The following XXYLT1 variants were observed in gnomAD, a reference collection of about 807,000 sequenced individuals.
The protein encoded by XXYLT1 is UDP-xylose:alpha-xyloside alpha-1,3-xylosyltransferase.
A neutral mutation model predicts 28.9 loss-of-function variants in XXYLT1; 20 were observed. That is an observed-to-expected ratio of 0.69 (90% CI 0.49 to 1.00). The LOEUF (loss-of-function observed/expected upper bound fraction) is 1.00, where lower values mean the gene tolerates loss of function less well. Among genes scored for constraint, XXYLT1 ranks in the 50% least tolerant of loss-of-function variants. The pLI is 0.00. For missense variants in XXYLT1, 542 were observed against 560.1 expected, an observed-to-expected ratio of 0.97 and a Z score of 0.33; for synonymous variants, 257 against 253.8, an observed-to-expected ratio of 1.01 and a Z score of -0.12.
At chr3:195,175,506 T>C in intron 2 of XXYLT1, 3 of 1,443,828 alleles carry the variant, frequency 2.1e-6, no homozygotes, top group South Asian at 1.3e-5. Context: ...GTGTTGCATG[T>C]TGACTTTGCT....
chr3:195,121,654 A>G (rs113794919), intron 3 of XXYLT1, among the ~76,000 whole-genome samples: 7 of 152,354 alleles, frequency 4.6e-5, no homozygotes, highest in African/African-American at 1.7e-4. Context: ...TGGAGCTAGC[A>G]GACATGCTGG....
chr3:195,109,581 CAT>C (rs920528257), intron 3 of XXYLT1, among the ~76,000 whole-genome samples: 8 of 108,512 alleles, frequency 7.4e-5, no homozygotes, highest in Non-Finnish European at 1.3e-4. Context: ...GGTTGTGTGG[CAT>C]ATGAGTGCAC....
Position 195,180,065 on chromosome 3 carries a change from C to T in XXYLT1, c.653-23484G>A, listed in dbSNP as rs1721874528. ...GAGTGACGGAGCGCCTGGTGAGGGA[C>T]AGAAGAATCTCTGAGCGGCCCCAAG... On this transcript the variant is annotated intron_variant, in intron 2 of 3. Coordinates refer to ENST00000310380, the MANE Select transcript of XXYLT1 (RefSeq NM_152531.5). The surrounding 1 kb of genome is among the most constrained non-coding windows in gnomAD (Gnocchi z 5.8). Among the ~76,000 whole-genome samples, 1 of 152,164 alleles carries T rather than the reference C, an allele frequency of 6.6e-6. No homozygotes were observed. Among genetic ancestry groups the T allele is most frequent in the African/African-American group, 2.4e-5 (1 of 41,446 alleles).
chr3:195,193,341 A>G (rs2108754595), intron 2 of XXYLT1, among the ~76,000 whole-genome samples: 1 of 152,236 alleles, frequency 6.6e-6, no homozygotes, highest in East Asian at 1.9e-4. Context: ...AATAAACTTA[A>G]TAAAAGGAGT....
intron 2 of XXYLT1, among the ~76,000 whole-genome samples, chr3:195,212,222 G>A (rs1723350692): frequency 1.3e-5 from 2 of 152,190 alleles, no homozygotes; most frequent in South Asian, 2.1e-4. Flanking sequence ...AAGCGGGGGT[G>A]GCCACGGTAG....
intron 2 of XXYLT1, among the ~76,000 whole-genome samples, chr3:195,187,099 G>A (rs920898442): frequency 6.6e-5 from 10 of 151,326 alleles, no homozygotes; most frequent in African/African-American, 1.5e-4. Flanking sequence ...TTAGCCAGGC[G>A]TGGTGGCGGG....
intron 1 of XXYLT1, among the ~76,000 whole-genome samples, chr3:195,237,543 G>A (rs1300755155): frequency 6.6e-6 from 1 of 151,818 alleles, no homozygotes; most frequent in Non-Finnish European, 1.5e-5. Flanking sequence ...TAGTGCCCAC[G>A]AAGGTGCTTT....
chr3:195,086,319 A>G (rs550553067), intron 3 of XXYLT1, among the ~76,000 whole-genome samples: 18 of 152,332 alleles, frequency 1.2e-4, no homozygotes, highest in African/African-American at 3.8e-4. Context: ...CGACGGCTTT[A>G]TCAGAACTGT....
At position 195,256,451 on chromosome 3, in the gene XXYLT1, A is replaced by G. The variant is rs2108847886; in HGVS notation, c.504+14104T>C. 1.0e-6 allele frequency: 1 copy of G among 984,610 alleles called. No homozygotes were observed. The highest frequency in any genetic ancestry group is 1.2e-6 in the Non-Finnish European group (1 of 829,226). 61.0% of individuals were successfully genotyped at this position (984,610 alleles called of 1,614,324 possible). A position where few individuals can be genotyped will look rare whatever the true frequency, so the allele number is the denominator to read the frequency against. On this transcript the variant is annotated intron_variant, in intron 1 of 3. Coordinates refer to ENST00000310380, the MANE Select transcript of XXYLT1 (RefSeq NM_152531.5). This position sits in a 1 kb window ranked among gnomAD's most constrained non-coding sequence, Gnocchi z 4.2. ...GGCCCTGCACAGGGCAGGGCCCGAGAAACGAACCAGTACCTCCCAGAGGAC... is the reference window on the plus strand; with the variant it reads ...GGCCCTGCACAGGGCAGGGCCCGAGGAACGAACCAGTACCTCCCAGAGGAC...
intron 1 of XXYLT1, among the ~76,000 whole-genome samples, chr3:195,232,325 CAAA>C (rs200517980): frequency 6.8e-6 from 1 of 146,276 alleles, no homozygotes. Context: ...TTCAAAATAC[CAAA>C]AAAAAACTTT....
In XXYLT1 at chr3:195,077,380, C is replaced by T. The variant is rs892333110; in HGVS notation, c.786-7269G>A. Among the ~76,000 whole-genome samples the T allele has an allele frequency of 3.3e-5, 5 of 152,206 alleles. No individual in the cohort carries two copies. Among genetic ancestry groups the T allele is most frequent in the African/African-American group, 1.2e-4 (5 of 41,468 alleles). On this transcript the variant is annotated intron_variant, in intron 3 of 3. Transcript: ENST00000310380. The surrounding 1 kb of genome is among the most constrained non-coding windows in gnomAD (Gnocchi z 4.8). Reference sequence around the variant, plus strand: ...CCCACTGGGCTGGTCCGGGACTCTGCGCTGACCCTGCCCAGCAGCGTGCCC... The same window carrying T: ...CCCACTGGGCTGGTCCGGGACTCTGTGCTGACCCTGCCCAGCAGCGTGCCC...
intron 3 of XXYLT1, among the ~76,000 whole-genome samples, chr3:195,088,926 G>A (rs1316366054): frequency 6.6e-6 from 1 of 151,812 alleles, no homozygotes; most frequent in Non-Finnish European, 1.5e-5. Flanking sequence ...AAGGGTATCA[G>A]CAATGGAAGA....
At chr3:195,264,294 G>A (rs1322710148) in intron 1 of XXYLT1, among the ~76,000 whole-genome samples, 2 of 152,252 alleles carry the variant, frequency 1.3e-5, no homozygotes, top group African/African-American at 2.4e-5. Context: ...CTTCCAGGAG[G>A]GAGACAGAGA....
chr3:195,264,133 A>G (rs145636183), intron 1 of XXYLT1, among the ~76,000 whole-genome samples: 439 of 152,302 alleles, frequency 2.9e-3, no homozygotes, highest in Non-Finnish European at 4.6e-3. Context: ...GTGCCTCCAG[A>G]AGTCTGTCCA....
At chr3:195,251,153 C>T (rs1416318597) in intron 1 of XXYLT1, among the ~76,000 whole-genome samples, 1 of 152,250 alleles carries the variant, frequency 6.6e-6, no homozygotes, top group Non-Finnish European at 1.5e-5. Context: ...TCGCACGAGG[C>T]CCCTGCTGCC....
chr3:195,152,754 A>C (rs1236318740), intron 3 of XXYLT1: 1 of 152,254 alleles, frequency 6.6e-6, no homozygotes, highest in Non-Finnish European at 1.5e-5. Flanking sequence ...GAGGTAAAGT[A>C]ACTATGGGAC....
chr3:195,136,377 G>C (rs549863403), intron 3 of XXYLT1, among the ~76,000 whole-genome samples: 1 of 152,138 alleles, frequency 6.6e-6, no homozygotes, highest in Admixed American at 6.5e-5. Context: ...AGGTGGCTGG[G>C]TAGGAGACTG....
rs139105254 is a variant in XXYLT1 at position 195,100,511 on chromosome 3, C to T, written c.786-30400G>A. Among the ~76,000 whole-genome samples the T allele has an allele frequency of 3.1e-3, 472 of 152,170 alleles. 1 individual carries two copies. Among genetic ancestry groups the T allele is most frequent in the African/African-American group, 0.011 (447 of 41,456 alleles). ...TGCTCCTCAGTGCCTATAGAATTAA[C>T]GTCACCTTAGCCCAACACATAAGGC... On this transcript the variant is annotated intron_variant, in intron 3 of 3. Transcript: ENST00000310380.
chr3:195,177,386 A>C (rs558590516), intron 2 of XXYLT1, among the ~76,000 whole-genome samples: 4 of 152,250 alleles, frequency 2.6e-5, no homozygotes, highest in African/African-American at 9.6e-5. Flanking sequence ...TTGACTCTTG[A>C]ATGTGTTCAT....
Sources: gnomAD v4.1 joint callset for allele counts (sites outside exome capture counted in the v4.1 genomes callset) on GRCh38, gnomAD v4.1.1 for gene constraint, Gnocchi (gnomAD v3.1) non-coding constraint, MANE v1.5 for transcripts, NCBI Gene and HGNC (gene_info 2026-07-23, HGNC 2026-07-21) for gene names.